The following SSH2 variants were observed in gnomAD, a reference collection of about 807,000 sequenced individuals.
SSH2 encodes slingshot protein phosphatase 2, also known as protein phosphatase Slingshot homolog 2.
A neutral mutation model predicts 135.2 loss-of-function variants in SSH2; 37 were observed. That is an observed-to-expected ratio of 0.27 (90% confidence interval 0.21 to 0.36). The LOEUF (loss-of-function observed/expected upper bound fraction) is 0.36. SSH2 is among the 10% of genes least tolerant of loss of function. The probability of loss-of-function intolerance (pLI) is 1.00; values close to 1 mark genes in which losing one functional copy is unlikely to be tolerated. For synonymous variants in SSH2, 628 were observed against 646.2 expected, an observed-to-expected ratio of 0.97 and a Z score of 0.43; for missense variants, 1,408 against 1,765.3, an observed-to-expected ratio of 0.80 and a Z score of 3.63.
intron 1 of SSH2, among the ~76,000 whole-genome samples, chr17:29,849,169 A>G (rs989320790): frequency 6.6e-6 from 1 of 152,200 alleles, no homozygotes; most frequent in Non-Finnish European, 1.5e-5. Context: ...AAGAGCCAGC[A>G]CATCTTTTTC....
At position 29,764,196 on chromosome 17, in the gene SSH2, C is replaced by T. The variant is rs184638075; in HGVS notation, c.188+29698G>A. On this transcript the variant is annotated intron_variant, in intron 3 of 15. Coordinates refer to ENST00000540801, the MANE Select transcript of SSH2 (RefSeq NM_001282129.2). ...GAACTCCTGACCTCAGGCAATCTGC[C>T]CGCCTTGGCCTCCCAAAGTGCTGAG... Among the ~76,000 whole-genome samples, 16 of 152,274 alleles carry T rather than the reference C, an allele frequency of 1.1e-4. 1 individual carries two copies. Among genetic ancestry groups the T allele is most frequent in the Non-Finnish European group, 1.2e-4 (8 of 68,034 alleles).
intron 2 of SSH2, among the ~76,000 whole-genome samples, chr17:29,795,046 A>G (rs1193633176): frequency 6.6e-6 from 1 of 152,338 alleles, no homozygotes; most frequent in East Asian, 1.9e-4. Flanking sequence ...ATCTCAGAGA[A>G]TATGTGTACT....
intron 3 of SSH2, among the ~76,000 whole-genome samples, chr17:29,770,092 G>GTTTTT (rs563803251): frequency 5.5e-5 from 4 of 72,920 alleles, no homozygotes; most frequent in Admixed American, 1.4e-4. Flanking sequence ...GCTATATTTA[G>GTTTTT]TTTTTTTTTT....
At chr17:29,806,783 TA>T (rs1180482922) in intron 2 of SSH2, among the ~76,000 whole-genome samples, 1 of 152,232 alleles carries the variant, frequency 6.6e-6, no homozygotes, top group Non-Finnish European at 1.5e-5. Flanking sequence ...TTCTGTTCTC[TA>T]AACTTTGGTT....
intron 3 of SSH2, among the ~76,000 whole-genome samples, chr17:29,737,784 G>C (rs1471080957): frequency 2.0e-5 from 3 of 152,116 alleles, no homozygotes; most frequent in Non-Finnish European, 2.9e-5. Flanking sequence ...ATTCCATAAA[G>C]TAGACTGATC....
At chr17:29,790,500 G>A (rs1175058324) in intron 3 of SSH2, among the ~76,000 whole-genome samples, 1 of 151,944 alleles carries the variant, frequency 6.6e-6, no homozygotes, top group African/African-American at 2.4e-5. Context: ...GACTGACTAG[G>A]GTTTTGTTTT....
chr17:29,829,287 T>G (rs1159347141), intron 2 of SSH2, among the ~76,000 whole-genome samples: 7 of 152,128 alleles, frequency 4.6e-5, no homozygotes, highest in Non-Finnish European at 5.9e-5. Flanking sequence ...ATTCCTTGGA[T>G]GAAGAAATTA....
chr17:29,904,958 T>C (rs924894810), intron 1 of SSH2, among the ~76,000 whole-genome samples: 1 of 152,090 alleles, frequency 6.6e-6, no homozygotes, highest in African/African-American at 2.4e-5. Flanking sequence ...GAAGGACCTC[T>C]TCAAGGAGAA....
chr17:29,925,548 C>T, intron 1 of SSH2: 1 of 398,300 alleles, frequency 2.5e-6, no homozygotes, highest in Non-Finnish European at 4.4e-6. Context: ...CCAAGCAAGT[C>T]CCCATCTCTA....
intron 11 of SSH2, among the ~76,000 whole-genome samples, chr17:29,657,570 C>CTTTG (rs2036836952): frequency 1.1e-5 from 1 of 90,868 alleles, no homozygotes; most frequent in South Asian, 4.0e-4. Context: ...TGCCCGGCTA[C>CTTTG]TTTGTTTTTT....
chr17:29,762,305 T>G (rs2041342886), intron 3 of SSH2, among the ~76,000 whole-genome samples: 1 of 152,102 alleles, frequency 6.6e-6, no homozygotes, highest in Non-Finnish European at 1.5e-5. Flanking sequence ...ATCCCCCAAT[T>G]CAAAGATTCA....
chr17:29,809,710 C>A (rs1053600207), intron 2 of SSH2, among the ~76,000 whole-genome samples: 1 of 151,934 alleles, frequency 6.6e-6, no homozygotes, highest in African/African-American at 2.4e-5. Flanking sequence ...CACACACCAC[C>A]GTGCCCAGCT....
chr17:29,794,812 GA>G (rs1485098029), intron 2 of SSH2, among the ~76,000 whole-genome samples: 1 of 152,172 alleles, frequency 6.6e-6, no homozygotes, highest in African/African-American at 2.4e-5. Flanking sequence ...CCAGCTAGCT[GA>G]AAAAGCTTAT....
At chr17:29,725,163 T>C (rs1160002028) in intron 3 of SSH2, among the ~76,000 whole-genome samples, 1 of 151,032 alleles carries the variant, frequency 6.6e-6, no homozygotes, top group Non-Finnish European at 1.5e-5. Context: ...CTGGCTAACA[T>C]GGTGAAACCC....
chr17:29,749,640 G>A (rs2040867319), intron 3 of SSH2, among the ~76,000 whole-genome samples: 1 of 152,168 alleles, frequency 6.6e-6, no homozygotes, highest in Non-Finnish European at 1.5e-5. Flanking sequence ...GCGAGTGAAT[G>A]TGAAGACCTA....
At chr17:29,839,321 C>T (rs2043000350) in intron 2 of SSH2, among the ~76,000 whole-genome samples, 1 of 152,164 alleles carries the variant, frequency 6.6e-6, no homozygotes, top group African/African-American at 2.4e-5. Flanking sequence ...ACCTGCCAGG[C>T]CGAGTGGGTG....
chr17:29,839,366 A>G lies in SSH2; in HGVS notation c.144+9483T>C, dbSNP rs535273540. ...CAGCAGGCCAGAGCAAAAGTTGGGCAAAGGCGCCATTGGCCACAGAGGTTT... is the reference window on the plus strand; with the variant it reads ...CAGCAGGCCAGAGCAAAAGTTGGGCGAAGGCGCCATTGGCCACAGAGGTTT... On this transcript the variant is annotated intron_variant, in intron 2 of 15. Transcript: ENST00000540801. 2.6e-5 allele frequency among the ~76,000 whole-genome samples: 4 copies of G among 152,364 alleles called. No individual in the cohort carries two copies. In the South Asian group the frequency reaches 8.3e-4, roughly 32 times the overall value.
chr17:29,651,470 A>G (rs547045944), intron 12 of SSH2, among the ~76,000 whole-genome samples: 1 of 152,362 alleles, frequency 6.6e-6, no homozygotes, highest in South Asian at 2.1e-4. Flanking sequence ...CTTGCAGAAG[A>G]GAGTTTCTGT....
At chr17:29,872,018 C>T (rs1184484128) in intron 1 of SSH2, among the ~76,000 whole-genome samples, 1 of 152,156 alleles carries the variant, frequency 6.6e-6, no homozygotes, top group Non-Finnish European at 1.5e-5. Flanking sequence ...ACTCTTATTT[C>T]AGCCAAATCC....
Sources: gnomAD v4.1 joint callset for allele counts (sites outside exome capture counted in the v4.1 genomes callset) on GRCh38, gnomAD v4.1.1 for gene constraint, MANE v1.5 for transcripts, NCBI Gene and HGNC (gene_info 2026-07-23, HGNC 2026-07-21) for gene names.